TRPM3: variants seen among roughly 807,000 people sequenced by gnomAD.
The protein encoded by TRPM3 is long transient receptor potential channel 3.
TRPM3 carries 77 observed loss-of-function variants against 181.2 expected under a neutral mutation model. The observed-to-expected ratio is 0.42, with a 90% confidence interval of 0.35 to 0.51. The LOEUF is 0.51. Ranked by LOEUF, TRPM3 falls within the 20% of genes least tolerant of loss-of-function variation. The probability of loss-of-function intolerance (pLI) is 0.01; values close to 1 mark genes in which losing one functional copy is unlikely to be tolerated. For synonymous variants in TRPM3, 745 were observed against 796.4 expected (o/e 0.94, Z 1.09); for missense variants, 1,759 against 2,196.7 (o/e 0.80, Z 3.98).
chr9:70,680,157 T>C (rs569171878), intron 9 of TRPM3, among the ~76,000 whole-genome samples: 22 of 152,316 alleles, frequency 1.4e-4, no homozygotes, highest in Admixed American at 6.5e-4. Flanking sequence ...CATGGTATAG[T>C]GAAGAGTTAG....
intron 1 of TRPM3, among the ~76,000 whole-genome samples, chr9:71,335,337 A>T (rs1052360330): frequency 6.6e-5 from 10 of 152,118 alleles, no homozygotes; most frequent in African/African-American, 2.4e-4. Flanking sequence ...TTTTTTTTCA[A>T]TATACCAGAA....
At chr9:71,266,173 A>G (rs1409507278) in intron 1 of TRPM3, among the ~76,000 whole-genome samples, 1 of 152,182 alleles carries the variant, frequency 6.6e-6, no homozygotes. Context: ...GCATTTCACT[A>G]CATAGTATCA....
Position 71,257,649 on chromosome 9 carries a change from C to T in TRPM3, c.183+189004G>A, listed in dbSNP as rs73647988. ...ATATAAAGTGAATTGATTTATACTA[C>T]GAGAAATTGTGTATGTATAGCCCTC... On this transcript the variant is annotated intron_variant, in intron 1 of 24. Coordinates refer to the TRPM3 transcript ENST00000357533. 4.9e-3 allele frequency among the ~76,000 whole-genome samples: 743 copies of T among 152,234 alleles called. 5 individuals are homozygous for T. The highest frequency in any genetic ancestry group is 0.017 in the African/African-American group (711 of 41,544).
chr9:71,329,319 CA>C (rs1461794234), intron 1 of TRPM3, among the ~76,000 whole-genome samples: 2 of 152,164 alleles, frequency 1.3e-5, no homozygotes, highest in Non-Finnish European at 2.9e-5. Flanking sequence ...CTGTTTTGTA[CA>C]GTATCTAAAA....
At chr9:71,309,647 CTG>C (rs930974524) in intron 1 of TRPM3, among the ~76,000 whole-genome samples, 20 of 152,218 alleles carry the variant, frequency 1.3e-4, no homozygotes, top group Non-Finnish European at 2.5e-4. Flanking sequence ...ATGAATAACA[CTG>C]TATTTAATAA....
At chr9:71,310,378 A>G (rs564954500) in intron 1 of TRPM3, among the ~76,000 whole-genome samples, 1 of 152,260 alleles carries the variant, frequency 6.6e-6, no homozygotes, top group South Asian at 2.1e-4. Flanking sequence ...GTGTTATAGT[A>G]ACCTTAAAAA....
intron 1 of TRPM3, among the ~76,000 whole-genome samples, chr9:71,287,460 C>G (rs4370600): frequency 0.13 from 20,320 of 151,778 alleles, 1,761 homozygotes; most frequent in Non-Finnish European, 0.19. Context: ...TTTATCTGTA[C>G]TCATGGTAAC....
At chr9:70,915,522 G>A (rs1326506916) in intron 1 of TRPM3, among the ~76,000 whole-genome samples, 1 of 151,174 alleles carries the variant, frequency 6.6e-6, no homozygotes, top group Non-Finnish European at 1.5e-5. Context: ...AGCCAGGATG[G>A]TCTTGATCTC....
chr9:70,742,407 C>A (rs536389864), intron 8 of TRPM3, among the ~76,000 whole-genome samples: 5 of 152,002 alleles, frequency 3.3e-5, no homozygotes, highest in South Asian at 2.1e-4. Flanking sequence ...GCATATCCAT[C>A]ACATCAAATA....
intron 1 of TRPM3, among the ~76,000 whole-genome samples, chr9:71,434,231 G>A (rs1482284236): frequency 1.3e-5 from 2 of 152,112 alleles, no homozygotes; most frequent in African/African-American, 4.8e-5. Flanking sequence ...AAATTCATAT[G>A]TTTAAACTTA....
intron 1 of TRPM3, among the ~76,000 whole-genome samples, chr9:71,071,931 G>C (rs2062821856): frequency 6.6e-6 from 1 of 152,150 alleles, no homozygotes; most frequent in Non-Finnish European, 1.5e-5. Context: ...AGACATCACA[G>C]AAGTCCTCTT....
chr9:71,181,037 A>C (rs752951533), intron 1 of TRPM3, among the ~76,000 whole-genome samples: 5 of 152,118 alleles, frequency 3.3e-5, no homozygotes, highest in Non-Finnish European at 5.9e-5. Flanking sequence ...GGGATTGACA[A>C]GACTGCTCTA....
At chr9:71,283,926 G>A (rs563850245) in intron 1 of TRPM3, among the ~76,000 whole-genome samples, 6 of 152,250 alleles carry the variant, frequency 3.9e-5, no homozygotes, top group South Asian at 4.1e-4. Flanking sequence ...CTTTTTAAAC[G>A]CATTAATCTG....
intron 8 of TRPM3, among the ~76,000 whole-genome samples, chr9:70,698,316 G>T (rs2071276308): frequency 6.6e-6 from 1 of 151,890 alleles, no homozygotes; most frequent in African/African-American, 2.4e-5. Context: ...GAGTCAATTT[G>T]CTTGTATGTG....
At chr9:70,618,736 G>A in intron 17 of TRPM3, 131 bp downstream of exon 17, 1 of 775,296 alleles carries the variant, frequency 1.3e-6, no homozygotes, top group Non-Finnish European at 2.1e-6. Flanking sequence ...AGGATTCTGA[G>A]GCACAGTCAG....
intron 6 of TRPM3, among the ~76,000 whole-genome samples, chr9:70,794,827 T>C (rs2086588050): frequency 6.6e-6 from 1 of 152,156 alleles, no homozygotes. Flanking sequence ...GCCATTCACA[T>C]CCTAGAAGGG....
intron 1 of TRPM3, among the ~76,000 whole-genome samples, chr9:70,958,993 G>A (rs1230108527): frequency 6.8e-6 from 1 of 147,724 alleles, no homozygotes; most frequent in Non-Finnish European, 1.5e-5. Context: ...ATCACACTCT[G>A]GGGACTGTTG....
Position 70,535,238 on chromosome 9 carries a change from T to G in TRPM3, c.*715A>C. On this transcript the variant is annotated 3_prime_UTR_variant, in exon 26 of 26. Transcript: ENST00000677713. ...ACATCAACTCTTCTTTCATTTCGAT[T>G]GCAATACAAAAAGGCATTTCTGTTC... The G allele has an allele frequency of 3.1e-6, 2 of 636,188 alleles. No homozygotes were observed. The highest frequency in any genetic ancestry group is 4.8e-5 in the South Asian group (2 of 41,786). 39.4% of individuals were successfully genotyped at this position (636,188 alleles called of 1,614,324 possible).
intron 1 of TRPM3, among the ~76,000 whole-genome samples, chr9:71,056,423 T>C (rs542569480): frequency 2.0e-5 from 3 of 152,024 alleles, no homozygotes; most frequent in African/African-American, 7.2e-5. Flanking sequence ...AATATAAAGA[T>C]TAGGCTTCTT....
Sources: gnomAD v4.1 joint callset for allele counts (sites outside exome capture counted in the v4.1 genomes callset) on GRCh38, gnomAD v4.1.1 for gene constraint, MANE v1.5 for transcripts, NCBI Gene and HGNC (gene_info 2026-07-23, HGNC 2026-07-21) for gene names.